The following NINJ2 variants were observed in gnomAD, a reference collection of about 807,000 sequenced individuals.
The protein encoded by NINJ2 is ninjurin 2, also known as ninjurin-2.
A neutral mutation model predicts 11.7 loss-of-function variants in NINJ2; 12 were observed. That is an observed-to-expected ratio of 1.02 (90% CI 0.66 to 1.66). The LOEUF is 1.66. Among genes scored for constraint, NINJ2 ranks in the 40% most tolerant of loss-of-function variants. The pLI, the probability that NINJ2 is intolerant of heterozygous loss-of-function variation, is 0.00. For synonymous variants in NINJ2, 93 were observed against 76.8 expected (o/e 1.21, Z -1.10); for missense variants, 187 against 181.8 (o/e 1.03, Z -0.16).
At chr12:641,342 C>T (rs77601576) in intron 1 of NINJ2, among the ~76,000 whole-genome samples, 3 of 141,784 alleles carry the variant, frequency 2.1e-5, no homozygotes, top group African/African-American at 7.7e-5. Flanking sequence ...TTTGCAGATT[C>T]TCTAGGTTGA....
Position 633,391 on chromosome 12 carries a change from G to A in NINJ2, c.33+29937C>T, listed in dbSNP as rs1455705192. 6.6e-6 allele frequency among the ~76,000 whole-genome samples: 1 copy of A among 151,970 alleles called. No individual in the cohort carries two copies. The highest frequency in any genetic ancestry group is 1.5e-5 in the Non-Finnish European group (1 of 67,982). On this transcript the variant is annotated intron_variant, in intron 1 of 3. Coordinates refer to ENST00000305108, the MANE Select transcript of NINJ2 (RefSeq NM_016533.6). The surrounding 1 kb of genome is among the most constrained non-coding windows in gnomAD (Gnocchi z 4.3). ...CACGTGCCTGTAATCCCAGCTACCC[G>A]GGTTGCTGAGGCAGGCGAATCACTG...
rs142496826 is a variant in NINJ2, at chr12:573,917, AAAC to A, written c.34-7742_34-7740del. Among the ~76,000 whole-genome samples the A allele has an allele frequency of 4.2e-3, 644 of 152,316 alleles. 9 individuals are homozygous for A. The highest frequency in any genetic ancestry group is 0.015 in the African/African-American group (625 of 41,564). On this transcript the variant is annotated intron_variant, in intron 1 of 3. Coordinates refer to ENST00000305108, the MANE Select transcript of NINJ2 (RefSeq NM_016533.6). ...TTTTATCTGTACCTTTTGAATTTTG[AAAC>A]ATGTGAATGAACTATCTTAAAAAAT...
intron 1 of NINJ2, among the ~76,000 whole-genome samples, chr12:630,038 C>T (rs1331278415): frequency 6.7e-6 from 1 of 150,314 alleles, no homozygotes; most frequent in African/African-American, 2.4e-5. Flanking sequence ...CAATTGGACA[C>T]CCTGGATGAT....
chr12:649,669 G>C (rs1937758705), intron 1 of NINJ2, among the ~76,000 whole-genome samples: 1 of 151,310 alleles, frequency 6.6e-6, no homozygotes, highest in Non-Finnish European at 1.5e-5. Context: ...TAGAAAATGT[G>C]CAAAGGAAAT....
rs921804840 is a variant in NINJ2, at chr12:633,543, C to T, written c.33+29785G>A. Among the ~76,000 whole-genome samples the T allele has an allele frequency of 5.3e-5, 8 of 152,074 alleles. No homozygotes were observed. The highest frequency in any genetic ancestry group is 1.5e-5 in the Non-Finnish European group (1 of 68,020). On this transcript the variant is annotated intron_variant, in intron 1 of 3. Transcript: ENST00000305108. The surrounding 1 kb of genome is among the most constrained non-coding windows in gnomAD (Gnocchi z 4.3). ...ATTTAAAAACTTCTGAGGCTGGGCC[C>T]AGTGGCCCATGCCCGTAATCCCAGC...
intron 1 of NINJ2, among the ~76,000 whole-genome samples, chr12:616,213 C>G (rs1948089549): frequency 6.6e-6 from 1 of 152,172 alleles, no homozygotes; most frequent in Non-Finnish European, 1.5e-5. Flanking sequence ...CTGACTTGGA[C>G]TTCTCCAAGA....
chr12:606,472 G>T (rs1947943909), intron 1 of NINJ2, among the ~76,000 whole-genome samples: 1 of 152,086 alleles, frequency 6.6e-6, no homozygotes, highest in African/African-American at 2.4e-5. Flanking sequence ...TTTTTCTAGA[G>T]CAGAAAACAT....
chr12:660,661 T>C (rs1380938291), intron 1 of NINJ2, among the ~76,000 whole-genome samples: 3 of 151,860 alleles, frequency 2.0e-5, no homozygotes, highest in African/African-American at 7.2e-5. Flanking sequence ...TTCTAATGAA[T>C]ACTGAAACTA....
In NINJ2 at chr12:581,307, C is replaced by T. The variant is rs2535429; in HGVS notation, c.34-15129G>A. Among the ~76,000 whole-genome samples the T allele has an allele frequency of 0.37, 56,859 of 151,812 alleles. 11,449 individuals carry two copies. The highest frequency in any genetic ancestry group is 0.46 in the Non-Finnish European group (30,975 of 67,920). On this transcript the variant is annotated intron_variant, in intron 1 of 3. Coordinates refer to ENST00000305108, the MANE Select transcript of NINJ2 (RefSeq NM_016533.6). The surrounding 1 kb of genome is among the most constrained non-coding windows in gnomAD (Gnocchi z 4.9). ...AAGGCAGGGATACTGGTGCATTATC[C>T]GGAGGGAGCTCGGGGGGCCCAGGAG...
At chr12:584,852 G>A (rs1417697467) in intron 1 of NINJ2, among the ~76,000 whole-genome samples, 1 of 150,406 alleles carries the variant, frequency 6.6e-6, no homozygotes, top group Non-Finnish European at 1.5e-5. Flanking sequence ...AAGCAGGCTA[G>A]GGGCGCGCTC....
chr12:588,652 C>T (rs1947675935), intron 1 of NINJ2, among the ~76,000 whole-genome samples: 1 of 152,150 alleles, frequency 6.6e-6, no homozygotes, highest in Non-Finnish European at 1.5e-5. Flanking sequence ...TCGACCACCA[C>T]ACACCACACA....
At chr12:566,961 G>A (rs1379488) in intron 1 of NINJ2, among the ~76,000 whole-genome samples, 6,296 of 152,328 alleles carry the variant, frequency 0.041, 383 homozygotes, top group African/African-American at 0.13. Context: ...TTCAGACTGG[G>A]CGCCATGACC....
chr12:663,361 C>G lies in NINJ2; in HGVS notation c.-1G>C, dbSNP rs569602741. On this transcript the variant is annotated 5_prime_UTR_variant, in exon 1 of 4. Coordinates refer to ENST00000305108, the MANE Select transcript of NINJ2 (RefSeq NM_016533.6). ...CGATGTTTTCTCTTGCTGATTCCATCTCGCTGCCCTCAAGTCCCTTCACAC... is the reference window on the plus strand; with the variant it reads ...CGATGTTTTCTCTTGCTGATTCCATGTCGCTGCCCTCAAGTCCCTTCACAC... 1 of 1,614,088 alleles carries G rather than the reference C, an allele frequency of 6.2e-7. No individual in the cohort carries two copies. The highest frequency in any genetic ancestry group is 1.3e-5 in the African/African-American group (1 of 74,938).
intron 1 of NINJ2, among the ~76,000 whole-genome samples, chr12:596,176 A>C (rs186944824): frequency 7.9e-5 from 12 of 152,362 alleles, no homozygotes; most frequent in Admixed American, 1.3e-4. Context: ...AAAAGAACTC[A>C]AAACTTACGT....
intron 1 of NINJ2, among the ~76,000 whole-genome samples, chr12:622,942 A>G (rs1337538066): frequency 6.6e-6 from 1 of 152,104 alleles, no homozygotes; most frequent in Non-Finnish European, 1.5e-5. Context: ...ACAAGTTTAA[A>G]TTTGCCTTCT....
rs1343001412 is a variant in NINJ2, at chr12:582,671, GTGAA to G, written c.34-16497_34-16494del. ...GGCGCAGGCAGGCAGGCATGCTAGAGTGAATGAATGAATGGACGCAGGCAGGCAT... is the reference window on the plus strand; with the variant it reads ...GGCGCAGGCAGGCAGGCATGCTAGAGTGAATGAATGGACGCAGGCAGGCAT... On this transcript the variant is annotated intron_variant, in intron 1 of 3. Coordinates refer to ENST00000305108, the MANE Select transcript of NINJ2 (RefSeq NM_016533.6). Among the ~76,000 whole-genome samples, 54 of 47,136 alleles carry G rather than the reference GTGAA, an allele frequency of 1.1e-3. 1 individual carries two copies. The highest frequency in any genetic ancestry group is 1.8e-3 in the Non-Finnish European group (49 of 26,672). 30.9% of individuals were successfully genotyped at this position (47,136 alleles called of 152,430 possible). A position where few individuals can be genotyped will look rare whatever the true frequency, so the allele number is the denominator to read the frequency against.
At chr12:623,663 T>G (rs1050896063) in intron 1 of NINJ2, among the ~76,000 whole-genome samples, 1 of 152,222 alleles carries the variant, frequency 6.6e-6, no homozygotes, top group Admixed American at 6.5e-5. Context: ...CAGACCAGGC[T>G]GCTAGGTTTG....
chr12:611,321 CTCTT>C (rs1213586346), intron 1 of NINJ2, among the ~76,000 whole-genome samples: 26 of 144,470 alleles, frequency 1.8e-4, no homozygotes, highest in African/African-American at 2.8e-4. Flanking sequence ...CTCTCTCTCT[CTCTT>C]TCTTTCTTTT....
At chr12:565,531 G>A (rs1284046454) in intron 2 of NINJ2, 130 bp from the exon 3 acceptor site, 6 of 952,808 alleles carry the variant, frequency 6.3e-6, no homozygotes, top group Non-Finnish European at 7.9e-6. Context: ...CAAGGGAGGT[G>A]GTCGTCATCG....
Sources: allele counts gnomAD v4.1 joint callset (sites outside exome capture counted in the v4.1 genomes callset), GRCh38; gene constraint gnomAD v4.1.1; non-coding constraint Gnocchi (gnomAD v3.1); transcripts MANE v1.5; gene names NCBI Gene and HGNC (gene_info 2026-07-23, HGNC 2026-07-21).